The following LAMB4 variants were observed in gnomAD, a reference collection of about 807,000 sequenced individuals.
LAMB4 encodes the protein laminin subunit beta-4.
Under a neutral mutation model 199.2 loss-of-function variants are expected in LAMB4, and 196 were observed. The observed-to-expected ratio is 0.98, with a 90% CI of 0.88 to 1.11. The LOEUF (loss-of-function observed/expected upper bound fraction) is 1.11, where lower values mean the gene tolerates loss of function less well. LAMB4 is among the 50% of genes least tolerant of loss of function. LAMB4 has a pLI of 0.00. For synonymous variants in LAMB4, 744 were observed against 770.6 expected (o/e 0.97, Z 0.57); for missense variants, 2,080 against 2,171.2 (o/e 0.96, Z 0.83).
intron 16 of LAMB4, among the ~76,000 whole-genome samples, chr7:108,077,859 G>C (rs1352148524): frequency 1.3e-5 from 2 of 152,136 alleles, no homozygotes; most frequent in South Asian, 4.1e-4. Context: ...AAAGCCACCT[G>C]GGGACCGGAA....
chr7:108,129,539 CT>C lies in LAMB4; in HGVS notation c.-34+766del, dbSNP rs746971932. Among the ~76,000 whole-genome samples, 832 of 141,386 alleles carry C rather than the reference CT, an allele frequency of 5.9e-3. 1 individual carries two copies. Among genetic ancestry groups the C allele is most frequent in the African/African-American group, 0.01 (391 of 38,774 alleles). The allele number at this position is 141,386 out of a possible 152,430, so 92.8% of individuals were successfully genotyped here. On this transcript the variant is annotated intron_variant, in intron 1 of 33. Coordinates refer to ENST00000388781, the MANE Select transcript of LAMB4 (RefSeq NM_007356.3). ...GCAGAATACAGAACTATAAAGTTTACTTTTTTTTTTTTTTTGGAGACAGAGT... is the reference window on the plus strand; with the variant it reads ...GCAGAATACAGAACTATAAAGTTTACTTTTTTTTTTTTTTGGAGACAGAGT...
At chr7:108,097,201 T>C (rs951122726) in intron 11 of LAMB4, among the ~76,000 whole-genome samples, 6 of 152,102 alleles carry the variant, frequency 3.9e-5, no homozygotes, top group Admixed American at 2.0e-4. Flanking sequence ...ATGCAAATAA[T>C]CCACAGTTCC....
At chr7:108,102,998 C>A (rs750208070) in intron 10 of LAMB4, 46 bp downstream of exon 10, 2 of 1,480,408 alleles carry the variant, frequency 1.4e-6, no homozygotes, top group Admixed American at 2.0e-5. Context: ...TCAAACTGAA[C>A]TTTGCTCAGA....
rs192377014 is a variant in LAMB4, at chr7:108,116,007, C to T, written c.189G>A (p.Leu63=). 1.4e-5 allele frequency: 22 copies of T among 1,610,696 alleles called. No individual in the cohort carries two copies. The East Asian group carries it at 4.7e-4, about 34-fold the overall frequency. ...AATAAACAAAGAGCCAACCCACCTC[C>T]AGGTAACTGAGGATGCAGTATTTCT... ...RAQKYCILSY[L]EGEQKCFICD... is the part of the protein sequence containing the mutation. The change falls in exon 3 of 34, where the codon CTG becomes CTA. Residue 63 remains leucine, a synonymous_variant. Transcript: ENST00000388781.
chr7:108,067,046 G>A (rs1476207142), intron 19 of LAMB4, among the ~76,000 whole-genome samples: 2 of 152,212 alleles, frequency 1.3e-5, no homozygotes, highest in Admixed American at 6.5e-5. Context: ...CAAGATGGAA[G>A]AGGCCCAATC....
At chr7:108,106,060 T>C (rs913181913) in intron 7 of LAMB4, 29 bp from the exon 8 acceptor site, 3 of 1,551,404 alleles carry the variant, frequency 1.9e-6, no homozygotes, top group Non-Finnish European at 1.8e-6. Flanking sequence ...TGAATCAAAG[T>C]GAATTTGAGG....
chr7:108,023,091 G>C (rs1005558124), downstream of LAMB4, among the ~76,000 whole-genome samples: 2 of 152,192 alleles, frequency 1.3e-5, no homozygotes, highest in Admixed American at 6.5e-5. Flanking sequence ...TGGGATTATA[G>C]GCATGAGTCA....
chr7:108,098,417 G>A lies in LAMB4; in HGVS notation c.1346C>T (p.Pro449Leu), dbSNP rs753666726. ...TATGGACTTACGCTGGCAGCCCAGG[G>A]GGTCGGTGGCGCTTAGTCCGTAGTG... ...PNHYGLSATD[P>L]LGCQPCDCNP... is the part of the protein sequence containing the mutation. The change falls in exon 11 of 34, where the codon CCC (proline) becomes CTC (leucine). Residue 449 changes from proline (P) to leucine (L), a missense_variant. Transcript: ENST00000388781. 6.2e-7 allele frequency: 1 copy of A among 1,606,980 alleles called. No individual in the cohort carries two copies. Among genetic ancestry groups the A allele is most frequent in the Non-Finnish European group, 8.5e-7 (1 of 1,177,054 alleles).
chr7:108,029,799 A>G (rs545990199), intron 32 of LAMB4, among the ~76,000 whole-genome samples: 5 of 152,270 alleles, frequency 3.3e-5, no homozygotes, highest in Non-Finnish European at 7.3e-5. Context: ...GAAATGAAAT[A>G]TGGAAGTGGG....
intron 1 of LAMB4, among the ~76,000 whole-genome samples, chr7:108,126,550 C>CTTCCTT (rs2038786661): frequency 8.8e-5 from 4 of 45,458 alleles, no homozygotes; most frequent in Non-Finnish European, 1.6e-4. Flanking sequence ...GTCAGAATTT[C>CTTCCTT]TTTCTTTTTT....
intron 23 of LAMB4, among the ~76,000 whole-genome samples, chr7:108,059,766 C>T (rs1302110749): frequency 6.6e-6 from 1 of 152,160 alleles, no homozygotes; most frequent in Non-Finnish European, 1.5e-5. Flanking sequence ...AGAGCTGTGC[C>T]AAGTTATTAC....
intron 29 of LAMB4, 133 bp downstream of exon 29, chr7:108,043,619 G>T (rs1189166811): frequency 7.6e-5 from 8 of 105,244 alleles, no homozygotes; most frequent in African/African-American, 3.0e-4. Context: ...TCGCTCTGTC[G>T]CCCAGGCTGG....
chr7:108,056,528 A>G (rs948398923), intron 24 of LAMB4, among the ~76,000 whole-genome samples: 5 of 152,098 alleles, frequency 3.3e-5, no homozygotes, highest in Admixed American at 6.5e-5. Flanking sequence ...AAAATTACTG[A>G]CTCCACACGG....
intron 4 of LAMB4, among the ~76,000 whole-genome samples, chr7:108,111,296 A>G (rs2038215005): frequency 6.6e-6 from 1 of 152,238 alleles, no homozygotes; most frequent in Non-Finnish European, 1.5e-5. Flanking sequence ...GTTCATAAAG[A>G]GAGAAAGGCA....
Position 108,041,567 on chromosome 7 carries a change from A to G in LAMB4, c.4471+2185T>C, listed in dbSNP as rs866624166. Among the ~76,000 whole-genome samples the G allele has an allele frequency of 2.0e-4, 31 of 152,346 alleles. No individual in the cohort carries two copies. In the Middle Eastern group the frequency reaches 0.01, roughly 50 times the overall value. On this transcript the variant is annotated intron_variant, in intron 29 of 33. Coordinates refer to ENST00000388781, the MANE Select transcript of LAMB4 (RefSeq NM_007356.3). ...ACGCCATGGATACTATGCAGACATA[A>G]AAAAGAATGAGATCTTATCCTTTGC... is the stretch of plus-strand genomic sequence containing the variant.
At chr7:108,054,213 C>T (rs1584641710) in intron 25 of LAMB4, among the ~76,000 whole-genome samples, 1 of 152,120 alleles carries the variant, frequency 6.6e-6, no homozygotes. Flanking sequence ...GCTGGGATTA[C>T]AGGGGAAAGC....
At position 108,052,094 on chromosome 7, in the gene LAMB4, T is replaced by C. The variant is rs753097755; in HGVS notation, c.3916+3A>G. The stretch of plus-strand genomic sequence containing the variant: ...CACAGTCAAAAATACATTTTTCCCT[T>C]ACCCGCAATGCTTGCATTAAGGACA... On this transcript the variant is annotated splice_donor_region_variant and intron_variant, in intron 26 of 33. Coordinates refer to ENST00000388781, the MANE Select transcript of LAMB4 (RefSeq NM_007356.3). The C allele has an allele frequency of 1.9e-6, 3 of 1,598,750 alleles. No homozygotes were observed. Among genetic ancestry groups the C allele is most frequent in the East Asian group, 4.5e-5 (2 of 44,596 alleles).
chr7:108,022,103 C>T (rs185423993), downstream of LAMB4, among the ~76,000 whole-genome samples: 1 of 152,258 alleles, frequency 6.6e-6, no homozygotes, highest in East Asian at 1.9e-4. Flanking sequence ...GAGGTGTGGT[C>T]TTGGAAATAT....
intron 4 of LAMB4, among the ~76,000 whole-genome samples, chr7:108,111,599 G>A (rs1384694125): frequency 6.6e-6 from 1 of 152,088 alleles, no homozygotes. Flanking sequence ...TGAGTTATGT[G>A]CTTAAAATAC....
Sources: allele counts gnomAD v4.1 joint callset (sites outside exome capture counted in the v4.1 genomes callset), GRCh38; gene constraint gnomAD v4.1.1; transcripts MANE v1.5; gene names NCBI Gene and HGNC (gene_info 2026-07-23, HGNC 2026-07-21).